GABRA2: variants seen among roughly 807,000 people sequenced by gnomAD.
GABRA2 encodes gamma-aminobutyric acid receptor subunit alpha-2.
Under a neutral mutation model 48.7 loss-of-function variants are expected in GABRA2, and 16 were observed. That is an observed-to-expected ratio of 0.33 (90% CI 0.22 to 0.50). The LOEUF is 0.50. Ranked by LOEUF, GABRA2 falls within the 20% of genes least tolerant of loss-of-function variation. GABRA2 has a pLI of 0.98. For missense variants in GABRA2, 275 were observed against 535.6 expected, an observed-to-expected ratio of 0.51 and a Z score of 4.80; for synonymous variants, 185 against 184.5, an observed-to-expected ratio of 1.00 and a Z score of -0.02.
rs1713766868 is a variant in GABRA2, at chr4:46,246,651, T to A, written c.*3657A>T. On this transcript the variant is annotated 3_prime_UTR_variant, in exon 10 of 10. Transcript: ENST00000381620. Reference sequence around the variant, plus strand: ...TATGATAAAAAATTTGGTCATTGCTTCAAAAACATGCAGATGAATGTCAGT... The same window carrying A: ...TATGATAAAAAATTTGGTCATTGCTACAAAAACATGCAGATGAATGTCAGT... 6.6e-6 allele frequency among the ~76,000 whole-genome samples: 1 copy of A among 151,218 alleles called. No homozygotes were observed. The highest frequency in any genetic ancestry group is 1.5e-5 in the Non-Finnish European group (1 of 67,452).
intron 8 of GABRA2, among the ~76,000 whole-genome samples, chr4:46,278,483 G>T (rs1720921587): frequency 6.6e-6 from 1 of 152,042 alleles, no homozygotes; most frequent in South Asian, 2.1e-4. Flanking sequence ...GGTAGTAAGT[G>T]CTTATAGGGC....
intron 8 of GABRA2, among the ~76,000 whole-genome samples, chr4:46,269,399 A>G (rs1476783739): frequency 6.6e-6 from 1 of 151,910 alleles, no homozygotes; most frequent in Non-Finnish European, 1.5e-5. Context: ...TTTAAAAGCC[A>G]GAGTGGCAAA....
At chr4:46,268,755 C>T (rs1718743439) in intron 8 of GABRA2, among the ~76,000 whole-genome samples, 1 of 151,818 alleles carries the variant, frequency 6.6e-6, no homozygotes, top group African/African-American at 2.4e-5. Flanking sequence ...CATTACAACA[C>T]TACTTATAAT....
intron 8 of GABRA2, among the ~76,000 whole-genome samples, chr4:46,278,336 G>C (rs1352616877): frequency 6.6e-6 from 1 of 152,106 alleles, no homozygotes; most frequent in Non-Finnish European, 1.5e-5. Context: ...CTATGGGGTA[G>C]ATAGCATATG....
Position 46,365,333 on chromosome 4 carries a change from A to G in GABRA2, c.187+20741T>C, listed in dbSNP as rs565826333. 2.2e-4 allele frequency: 33 copies of G among 152,304 alleles called. No individual in the cohort carries two copies. The South Asian group carries it at 6.8e-3, about 32-fold the overall frequency. 9.4% of individuals were successfully genotyped at this position (152,304 alleles called of 1,614,324 possible). A position where few individuals can be genotyped will look rare whatever the true frequency, so the allele number is the denominator to read the frequency against. On this transcript the variant is annotated intron_variant, in intron 3 of 9. Transcript: ENST00000381620. ...AATTTTGCAATAAACTTCTACTTAA[A>G]GGGCATCCCACAAAGGAAAAATTTA...
rs1448411970 is a variant in GABRA2 at position 46,245,815 on chromosome 4, T to C, written c.*4493A>G. 6.6e-6 allele frequency among the ~76,000 whole-genome samples: 1 copy of C among 151,242 alleles called. No individual in the cohort carries two copies. The highest frequency in any genetic ancestry group is 2.4e-5 in the African/African-American group (1 of 41,354). ...TAAACCTGTAAATTGTTCTTTACTA[T>C]TGGCAATATTAGGTAATGTTATGTA... On this transcript the variant is annotated 3_prime_UTR_variant, in exon 10 of 10. Coordinates refer to ENST00000381620, the MANE Select transcript of GABRA2 (RefSeq NM_000807.4).
intron 8 of GABRA2, among the ~76,000 whole-genome samples, chr4:46,286,955 G>T (rs1252852294): frequency 6.6e-6 from 1 of 152,070 alleles, no homozygotes; most frequent in Non-Finnish European, 1.5e-5. Flanking sequence ...ATGATTAAAA[G>T]AAACAATTTA....
intron 8 of GABRA2, among the ~76,000 whole-genome samples, chr4:46,282,010 A>G (rs909651906): frequency 1.3e-5 from 2 of 152,198 alleles, no homozygotes; most frequent in Non-Finnish European, 2.9e-5. Flanking sequence ...ATGATTAGGC[A>G]GAGTATGTCG....
At chr4:46,327,818 C>A (rs1560533356) in intron 4 of GABRA2, among the ~76,000 whole-genome samples, 1 of 151,996 alleles carries the variant, frequency 6.6e-6, no homozygotes, top group African/African-American at 2.4e-5. Context: ...TGCTTCTTAG[C>A]CTAATGGTAA....
At chr4:46,290,694 C>T (rs1459083009) in intron 8 of GABRA2, among the ~76,000 whole-genome samples, 2 of 151,914 alleles carry the variant, frequency 1.3e-5, no homozygotes, top group African/African-American at 4.8e-5. Context: ...ATATATAATA[C>T]AGGAATACAG....
chr4:46,333,561 T>C (rs1387503039), intron 3 of GABRA2, among the ~76,000 whole-genome samples: 1 of 152,128 alleles, frequency 6.6e-6, no homozygotes, highest in Non-Finnish European at 1.5e-5. Context: ...AATTGTTTTT[T>C]GTATTATACT....
At chr4:46,293,081 G>C (rs1007477176) in intron 8 of GABRA2, among the ~76,000 whole-genome samples, 23 of 143,942 alleles carry the variant, frequency 1.6e-4, no homozygotes, top group Admixed American at 1.4e-3. Context: ...ATCGTGTAGA[G>C]CTCTGGCATT....
intron 8 of GABRA2, among the ~76,000 whole-genome samples, chr4:46,276,087 C>G (rs985075249): frequency 6.6e-6 from 1 of 151,782 alleles, no homozygotes; most frequent in Non-Finnish European, 1.5e-5. Context: ...TTACTCTTAC[C>G]AAAAATAATC....
intron 8 of GABRA2, among the ~76,000 whole-genome samples, chr4:46,273,821 T>C (rs1294126385): frequency 6.6e-6 from 1 of 151,944 alleles, no homozygotes; most frequent in Non-Finnish European, 1.5e-5. Flanking sequence ...TTGCCAACAC[T>C]AGACTGCCTT....
intron 8 of GABRA2, among the ~76,000 whole-genome samples, chr4:46,296,806 C>G (rs534906959): frequency 7.9e-5 from 12 of 152,136 alleles, no homozygotes; most frequent in Non-Finnish European, 1.3e-4. Flanking sequence ...TGACCATTTC[C>G]TCTTTCGTTT....
intron 8 of GABRA2, among the ~76,000 whole-genome samples, chr4:46,291,871 T>C (rs1221377737): frequency 6.6e-6 from 1 of 151,710 alleles, no homozygotes; most frequent in Non-Finnish European, 1.5e-5. Flanking sequence ...ATACAGACTT[T>C]TGTGCCAGGA....
intron 8 of GABRA2, among the ~76,000 whole-genome samples, chr4:46,278,814 C>T (rs894177729): frequency 6.6e-6 from 1 of 151,594 alleles, no homozygotes; most frequent in Non-Finnish European, 1.5e-5. Context: ...AGGAATGTTC[C>T]AGAGTAGAAT....
chr4:46,271,575 G>A (rs978725852), intron 8 of GABRA2, among the ~76,000 whole-genome samples: 4 of 151,930 alleles, frequency 2.6e-5, no homozygotes, highest in African/African-American at 9.7e-5. Flanking sequence ...CTCTGTGTTA[G>A]AGAGAGAAAT....
chr4:46,307,677 ATAT>A (rs751548816), intron 6 of GABRA2, among the ~76,000 whole-genome samples: 11 of 152,166 alleles, frequency 7.2e-5, no homozygotes, highest in Non-Finnish European at 1.5e-4. Flanking sequence ...TTAAGTCATA[ATAT>A]TTGAACTATG....
Sources: gnomAD v4.1 joint callset for allele counts (sites outside exome capture counted in the v4.1 genomes callset) on GRCh38, gnomAD v4.1.1 for gene constraint, MANE v1.5 for transcripts, NCBI Gene and HGNC (gene_info 2026-07-23, HGNC 2026-07-21) for gene names.